RGS10: variants seen among roughly 807,000 people sequenced by gnomAD.
The protein encoded by RGS10 is regulator of G protein signaling 10, also known as regulator of G-protein signalling 10.
A neutral mutation model predicts 23.5 loss-of-function variants in RGS10; 11 were observed. The observed-to-expected ratio is 0.47, with a 90% CI of 0.29 to 0.77. The LOEUF is 0.77. RGS10 is among the 30% of genes least tolerant of loss of function. The probability of loss-of-function intolerance (pLI) is 0.08; values close to 1 mark genes in which losing one functional copy is unlikely to be tolerated. For synonymous variants in RGS10, 77 were observed against 83.2 expected (o/e 0.92, Z 0.41); for missense variants, 180 against 226.3 (o/e 0.80, Z 1.31).
chr10:119,517,567 A>G lies in RGS10; in HGVS notation c.256-1915T>C, dbSNP rs148451621. Reference sequence around the variant, plus strand: ...GAAAACCACTTCCTGTTTTAAAGCCACTTCATGAAAGGAGAATTTCGGCCA... The same window carrying G: ...GAAAACCACTTCCTGTTTTAAAGCCGCTTCATGAAAGGAGAATTTCGGCCA... On this transcript the variant is annotated intron_variant, in intron 3 of 4. Transcript: ENST00000369103. The surrounding 1 kb of genome is among the most constrained non-coding windows in gnomAD (Gnocchi z 5.0). Among the ~76,000 whole-genome samples the G allele has an allele frequency of 1.6e-3, 251 of 152,244 alleles. No individual in the cohort carries two copies. Among genetic ancestry groups the G allele is most frequent in the African/African-American group, 5.8e-3 (242 of 41,540 alleles).
Position 119,515,495 on chromosome 10 carries a change from G to A in RGS10, c.399+14C>T. On this transcript the variant is annotated intron_variant, in intron 4 of 4. Transcript: ENST00000369103. ...GGTTTTCAAATCAAGGTGCAGGCAG[G>A]GAAGTCGGGTTACCTGGTCCTGGAG... 6.2e-7 allele frequency: 1 copy of A among 1,614,038 alleles called. No individual in the cohort carries two copies.
chr10:119,531,944 T>C (rs1844332795), intron 1 of RGS10, among the ~76,000 whole-genome samples: 1 of 152,202 alleles, frequency 6.6e-6, no homozygotes, highest in Non-Finnish European at 1.5e-5. Flanking sequence ...GGTCAGAAAG[T>C]ATGCCAAGAT....
intron 4 of RGS10, among the ~76,000 whole-genome samples, chr10:119,505,479 C>G (rs1188601537): frequency 6.6e-6 from 1 of 151,984 alleles, no homozygotes; most frequent in Non-Finnish European, 1.5e-5. Context: ...GGAAGTGAGA[C>G]TCGGACAAAA....
chr10:119,525,840 C>T (rs1391118402), intron 3 of RGS10, among the ~76,000 whole-genome samples, 192 bp downstream of exon 3: 1 of 152,142 alleles, frequency 6.6e-6, no homozygotes, highest in African/African-American at 2.4e-5. Context: ...ATTTGAACAG[C>T]TCCATTTAAA....
At position 119,502,086 on chromosome 10, in the gene RGS10, A is replaced by G. The variant is rs573333493; in HGVS notation, c.400-1827T>C. Among the ~76,000 whole-genome samples the G allele has an allele frequency of 2.8e-4, 43 of 152,210 alleles. No homozygotes were observed. The South Asian group carries it at 8.9e-3, about 32-fold the overall frequency. On this transcript the variant is annotated intron_variant, in intron 4 of 4. Transcript: ENST00000369103. ...ACACTAGAGCAGTCATCTATCTTGT[A>G]GCCATCCTGTAATTCCAGGTGTGAT...
chr10:119,499,889 T>C lies in RGS10; in HGVS notation c.*224A>G, dbSNP rs1240316658. Reference sequence around the variant, plus strand: ...CGACGTGTCCAGTGTTGAAGGAATCTCTGTTTTGTAAACTAAAACTTCCAA... The same window carrying C: ...CGACGTGTCCAGTGTTGAAGGAATCCCTGTTTTGTAAACTAAAACTTCCAA... On this transcript the variant is annotated 3_prime_UTR_variant, in exon 5 of 5. Coordinates refer to ENST00000369103, the MANE Select transcript of RGS10 (RefSeq NM_001005339.2). The C allele has an allele frequency of 2.1e-6, 1 of 487,618 alleles. No individual in the cohort carries two copies. Among genetic ancestry groups the C allele is most frequent in the East Asian group, 3.6e-5 (1 of 28,014 alleles). 30.2% of individuals were successfully genotyped at this position (487,618 alleles called of 1,614,324 possible).
rs1375634341 is a variant in RGS10, at chr10:119,527,080, C to T, written c.168+226G>A. Among the ~76,000 whole-genome samples, 1 of 152,148 alleles carries T rather than the reference C, an allele frequency of 6.6e-6. No individual in the cohort carries two copies. The highest frequency in any genetic ancestry group is 1.5e-5 in the Non-Finnish European group (1 of 68,016). ...ACCCTGTACCCCTCCCACCTCACTA[C>T]ACAAAAACCAGAAACAGGCTACCCA... is the stretch of plus-strand genomic sequence containing the variant. On this transcript the variant is annotated intron_variant, in intron 2 of 4. Coordinates refer to ENST00000369103, the MANE Select transcript of RGS10 (RefSeq NM_001005339.2). This position sits in a 1 kb window ranked among gnomAD's most constrained non-coding sequence, Gnocchi z 4.2.
chr10:119,529,454 C>T lies in RGS10; in HGVS notation c.50-2030G>A, dbSNP rs192513241. On this transcript the variant is annotated intron_variant, in intron 1 of 4. Coordinates refer to ENST00000369103, the MANE Select transcript of RGS10 (RefSeq NM_001005339.2). Reference sequence around the variant, plus strand: ...GGGTGACAAGAGCGAAACTCTGACTCAAACGAAACAAAACAAAACAAAACA... The same window carrying T: ...GGGTGACAAGAGCGAAACTCTGACTTAAACGAAACAAAACAAAACAAAACA... 4.6e-5 allele frequency among the ~76,000 whole-genome samples: 7 copies of T among 152,156 alleles called. No individual in the cohort carries two copies. In the East Asian group the frequency reaches 1.4e-3, roughly 29 times the overall value.
intron 4 of RGS10, among the ~76,000 whole-genome samples, chr10:119,510,353 G>A (rs1002679249): frequency 2.0e-5 from 3 of 152,172 alleles, no homozygotes; most frequent in East Asian, 1.9e-4. Context: ...CCCCTGCCTC[G>A]GGGCCTTTGC....
chr10:119,515,735 C>A, intron 3 of RGS10, 83 bp from the exon 4 acceptor site: 1 of 1,539,228 alleles, frequency 6.5e-7, no homozygotes, highest in Non-Finnish European at 8.8e-7. Flanking sequence ...CAGCCAGGCC[C>A]ACAGGAGCTG....
At position 119,524,866 on chromosome 10, in the gene RGS10, TGCG is replaced by T. The variant is rs1844255724; in HGVS notation, c.255+1163_255+1165del. 6.6e-6 allele frequency among the ~76,000 whole-genome samples: 1 copy of T among 152,202 alleles called. No homozygotes were observed. Among genetic ancestry groups the T allele is most frequent in the Non-Finnish European group, 1.5e-5 (1 of 68,042 alleles). On this transcript the variant is annotated intron_variant, in intron 3 of 4. Coordinates refer to ENST00000369103, the MANE Select transcript of RGS10 (RefSeq NM_001005339.2). The surrounding 1 kb of genome is among the most constrained non-coding windows in gnomAD (Gnocchi z 5.2). ...GAAGGTGGTGGAGAAAAGGCCGCGC[TGCG>T]CCATCCAGGAGGATGGGTGTCTGCG...
chr10:119,541,677 A>C (rs1344621456), intron 1 of RGS10, among the ~76,000 whole-genome samples: 1 of 152,176 alleles, frequency 6.6e-6, no homozygotes, highest in Non-Finnish European at 1.5e-5. Context: ...GAAGCCCGGC[A>C]AAGCCCCCGA....
In RGS10 at chr10:119,542,573, C is replaced by G. The variant is rs767549873; in HGVS notation, c.49+17G>C. On this transcript the variant is annotated intron_variant, in intron 1 of 4. Coordinates refer to ENST00000369103, the MANE Select transcript of RGS10 (RefSeq NM_001005339.2). Reference sequence around the variant, plus strand: ...GGCGCCCCGACCCCGAGCCCGCGGGCCCCCGAAGCCGCTTACCTGACGGCG... The same window carrying G: ...GGCGCCCCGACCCCGAGCCCGCGGGGCCCCGAAGCCGCTTACCTGACGGCG... 7.1e-7 allele frequency: 1 copy of G among 1,402,248 alleles called. No individual in the cohort carries two copies. Among genetic ancestry groups the G allele is most frequent in the East Asian group, 3.1e-5 (1 of 32,502 alleles). 86.9% of individuals were successfully genotyped at this position (1,402,248 alleles called of 1,614,324 possible).
chr10:119,528,756 C>T (rs1057039694), intron 1 of RGS10, among the ~76,000 whole-genome samples: 2 of 151,970 alleles, frequency 1.3e-5, no homozygotes, highest in African/African-American at 2.4e-5. Context: ...AACGCTTGAA[C>T]CCAGGAAGCG....
intron 3 of RGS10, 29 bp downstream of exon 3, chr10:119,526,003 G>GA: frequency 2.3e-6 from 3 of 1,328,122 alleles, no homozygotes; most frequent in South Asian, 1.4e-5. Context: ...CTTTATAAGG[G>GA]AAAAAAATTA....
At chr10:119,542,261 C>T (rs962189758) in intron 1 of RGS10, among the ~76,000 whole-genome samples, 1 of 152,198 alleles carries the variant, frequency 6.6e-6, no homozygotes, top group Non-Finnish European at 1.5e-5. Flanking sequence ...CGCGCCGTTC[C>T]GCTTTCGGAA....
chr10:119,507,805 A>T (rs1448546021), intron 4 of RGS10, among the ~76,000 whole-genome samples: 2 of 151,134 alleles, frequency 1.3e-5, no homozygotes, highest in African/African-American at 4.9e-5. Context: ...GGCTGGTCTC[A>T]AACTCCTGAC....
chr10:119,533,171 G>A (rs1369015171), intron 1 of RGS10, among the ~76,000 whole-genome samples: 1 of 151,552 alleles, frequency 6.6e-6, no homozygotes. Context: ...TGGCCAACAT[G>A]GAATACAAAA....
intron 4 of RGS10, among the ~76,000 whole-genome samples, chr10:119,507,551 G>A (rs1380739088): frequency 6.7e-6 from 1 of 150,010 alleles, no homozygotes; most frequent in Admixed American, 6.6e-5. Context: ...CAAGGATGTG[G>A]CTGGGAGCAC....
Sources: gnomAD v4.1 joint callset for allele counts (sites outside exome capture counted in the v4.1 genomes callset) on GRCh38, gnomAD v4.1.1 for gene constraint, Gnocchi (gnomAD v3.1) non-coding constraint, MANE v1.5 for transcripts, NCBI Gene and HGNC (gene_info 2026-07-23, HGNC 2026-07-21) for gene names.